The following FNDC3B variants were observed in gnomAD, a reference collection of about 807,000 sequenced individuals.
FNDC3B encodes the protein fibronectin type III domain-containing protein 3B.
Under a neutral mutation model 151.5 loss-of-function variants are expected in FNDC3B, and 12 were observed. The observed-to-expected ratio is 0.08, with a 90% CI of 0.05 to 0.13. FNDC3B has a LOEUF of 0.13. Ranked by LOEUF, FNDC3B falls within the 10% of genes least tolerant of loss-of-function variation. The pLI, the probability that FNDC3B is intolerant of heterozygous loss-of-function variation, is 1.00. For missense variants in FNDC3B, 1,214 were observed against 1,505.3 expected (o/e 0.81, Z 3.20); for synonymous variants, 528 against 549.0 (o/e 0.96, Z 0.54).
rs1374419603 is a variant in FNDC3B at position 172,344,146 on chromosome 3, C to T, written c.2138C>T (p.Pro713Leu). 1.2e-6 allele frequency: 2 copies of T among 1,613,984 alleles called. No homozygotes were observed. The highest frequency in any genetic ancestry group is 1.7e-6 in the Non-Finnish European group (2 of 1,180,028). ...VSEYSVEMTE[P>L]EDVASEVYHG... ...GAGTACAGCGTGGAGATGACGGAGC[C>T]CGAAGACGTAGCCTCGGAAGTGTAC... The change falls in exon 19 of 26, where the codon CCC becomes CTC. Residue 713 changes from proline to leucine, a missense_variant. Pro to Leu is a moderately conservative substitution (Grantham distance 98, BLOSUM62 -3). Around this residue, in one of 7 missense-constraint regions of FNDC3B, gnomAD observed 380 missense variants for 420.9 expected, o/e 0.90. Coordinates refer to ENST00000415807, the MANE Select transcript of FNDC3B (RefSeq NM_022763.4).
chr3:172,329,118 G>T, intron 12 of FNDC3B, 42 bp downstream of exon 12: 1 of 1,577,530 alleles, frequency 6.3e-7, no homozygotes, highest in Non-Finnish European at 8.7e-7. Flanking sequence ...GCCTTTGGAT[G>T]GTGATCCTGA....
At chr3:172,218,801 C>G (rs898718252) in intron 3 of FNDC3B, among the ~76,000 whole-genome samples, 5 of 152,190 alleles carry the variant, frequency 3.3e-5, no homozygotes, top group African/African-American at 1.2e-4. Flanking sequence ...GCCCTGTTTC[C>G]TCTCTGGCTG....
chr3:172,337,181 G>A, intron 15 of FNDC3B, 149 bp from the exon 16 acceptor site: 1 of 510,712 alleles, frequency 2.0e-6, no homozygotes, highest in Non-Finnish European at 3.5e-6. Context: ...TTTTTCAACA[G>A]AGGAGTTGGT....
chr3:172,228,620 T>C (rs1323968681), intron 4 of FNDC3B, among the ~76,000 whole-genome samples: 2 of 152,224 alleles, frequency 1.3e-5, no homozygotes, highest in Non-Finnish European at 2.9e-5. Context: ...AAAGTAGAGC[T>C]GTACACTCGC....
chr3:172,348,979 G>T (rs1383349094), intron 21 of FNDC3B, among the ~76,000 whole-genome samples: 1 of 151,974 alleles, frequency 6.6e-6, no homozygotes, highest in Non-Finnish European at 1.5e-5. Flanking sequence ...AATATTTTTT[G>T]AATATATGGC....
At chr3:172,096,825 G>A (rs907491148) in intron 1 of FNDC3B, among the ~76,000 whole-genome samples, 4 of 152,044 alleles carry the variant, frequency 2.6e-5, no homozygotes, top group Admixed American at 1.3e-4. Flanking sequence ...ACGCTATAAC[G>A]CATAGGAATG....
intron 2 of FNDC3B, among the ~76,000 whole-genome samples, chr3:172,118,049 G>GT (rs879792320): frequency 8.5e-5 from 13 of 152,172 alleles, no homozygotes; most frequent in Non-Finnish European, 1.8e-4. Flanking sequence ...CATGGAGAGA[G>GT]TTTTTTTCCC....
At chr3:172,170,428 C>T (rs1576929563) in intron 3 of FNDC3B, among the ~76,000 whole-genome samples, 1 of 152,220 alleles carries the variant, frequency 6.6e-6, no homozygotes, top group South Asian at 2.1e-4. Flanking sequence ...GGAAGATGAG[C>T]AAGAATGAAT....
At chr3:172,349,293 T>A (rs1032807319) in intron 21 of FNDC3B, among the ~76,000 whole-genome samples, 1 of 152,074 alleles carries the variant, frequency 6.6e-6, no homozygotes, top group Admixed American at 6.5e-5. Context: ...AAAATAAAAA[T>A]TTATTATAAT....
rs560174404 is a variant in FNDC3B at position 172,115,488 on chromosome 3, C to G, written c.111+2898C>G. ...ATGTTTGCTGCCTGCCCTTAAGAGC[C>G]TGCGTAATGTGGTGCTCAGGTGGTT... On this transcript the variant is annotated intron_variant, in intron 2 of 25. Coordinates refer to ENST00000415807, the MANE Select transcript of FNDC3B (RefSeq NM_022763.4). Among the ~76,000 whole-genome samples the G allele has an allele frequency of 6.6e-5, 10 of 152,284 alleles. No individual in the cohort carries two copies. In the South Asian group the frequency reaches 2.1e-3, roughly 32 times the overall value.
intron 25 of FNDC3B, among the ~76,000 whole-genome samples, chr3:172,394,103 T>C (rs1736152216): frequency 1.9e-4 from 2 of 10,728 alleles, no homozygotes; most frequent in East Asian, 1.1e-3. Flanking sequence ...GTGAGACTCC[T>C]TCTAAAAAAA....
chr3:172,369,552 G>GA (rs1307925888), intron 23 of FNDC3B, among the ~76,000 whole-genome samples: 2 of 151,830 alleles, frequency 1.3e-5, no homozygotes, highest in Non-Finnish European at 2.9e-5. Context: ...CTTAGAAAAG[G>GA]AGCATAAAAA....
intron 1 of FNDC3B, among the ~76,000 whole-genome samples, chr3:172,068,158 C>T (rs1717593361): frequency 1.3e-5 from 2 of 152,134 alleles, no homozygotes; most frequent in African/African-American, 4.8e-5. Context: ...CATTTAGTTA[C>T]CCACCTATTC....
In FNDC3B at chr3:172,251,474, T is replaced by G. The variant is rs759748732; in HGVS notation, c.723T>G (p.Gly241=). The change falls in exon 6 of 26, where the codon GGT becomes GGG. Residue 241 remains glycine, a synonymous_variant. Transcript: ENST00000415807. ...GGSGGGGSGS[G]PGIKKTERRA... ...GTGGCGGAGGCGGCAGCGGTAGTGG[T>G]CCCGGAATTAAGAAAACAGAGCGAC... 2 of 1,613,654 alleles carry G rather than the reference T, an allele frequency of 1.2e-6. No homozygotes were observed. The highest frequency in any genetic ancestry group is 1.7e-6 in the Non-Finnish European group (2 of 1,179,920).
chr3:172,368,861 A>G (rs1442478850), intron 23 of FNDC3B, among the ~76,000 whole-genome samples: 1 of 152,126 alleles, frequency 6.6e-6, no homozygotes, highest in African/African-American at 2.4e-5. Flanking sequence ...AAATACAAAA[A>G]TTAGCCTGGC....
In FNDC3B at chr3:172,385,853, C is replaced by T. The variant is rs147090152; in HGVS notation, c.3303+4760C>T. Reference sequence around the variant, plus strand: ...GATTACAGGCGTGAGCCACCATGCCCGGCCCTTCCCCCAAGCTCATTTTTA... The same window carrying T: ...GATTACAGGCGTGAGCCACCATGCCTGGCCCTTCCCCCAAGCTCATTTTTA... On this transcript the variant is annotated intron_variant, in intron 25 of 25. Transcript: ENST00000415807. Among the ~76,000 whole-genome samples the T allele has an allele frequency of 3.3e-5, 5 of 152,224 alleles. No homozygotes were observed. In the East Asian group the frequency reaches 5.8e-4, roughly 18 times the overall value.
rs1224220270 is a variant in FNDC3B, at chr3:172,362,851, G to A, written c.3008+6G>A. 1.2e-6 allele frequency: 2 copies of A among 1,606,352 alleles called. No individual in the cohort carries two copies. Among genetic ancestry groups the A allele is most frequent in the Non-Finnish European group, 1.7e-6 (2 of 1,174,350 alleles). On this transcript the variant is annotated splice_donor_region_variant and intron_variant, in intron 23 of 25. Coordinates refer to ENST00000415807, the MANE Select transcript of FNDC3B (RefSeq NM_022763.4). ...CTGGAGGACAGAAACAAGAGGTGAG[G>A]TGGGGGTGAGGATGCTCCTGAAGCT...
intron 3 of FNDC3B, among the ~76,000 whole-genome samples, chr3:172,196,156 A>T (rs1036241134): frequency 1.2e-4 from 18 of 152,184 alleles, no homozygotes; most frequent in Non-Finnish European, 2.5e-4. Context: ...TCAGATTTTT[A>T]AATTTAATTT....
intron 6 of FNDC3B, among the ~76,000 whole-genome samples, chr3:172,265,339 A>G (rs1282188630): frequency 2.0e-5 from 3 of 152,152 alleles, no homozygotes; most frequent in Non-Finnish European, 4.4e-5. Context: ...ATGTTTAGGG[A>G]GAGAAAACAG....
Sources: gnomAD v4.1 joint callset for allele counts (sites outside exome capture counted in the v4.1 genomes callset) on GRCh38, gnomAD v4.1.1 for gene constraint, gnomAD v4.1.1 regional missense constraint, MANE v1.5 for transcripts, NCBI Gene and HGNC (gene_info 2026-07-23, HGNC 2026-07-21) for gene names.